CCM2: variants seen among roughly 807,000 people sequenced by gnomAD.
CCM2 encodes the protein CCM2 scaffold protein.
A neutral mutation model predicts 44.9 loss-of-function variants in CCM2; 25 were observed. That is an observed-to-expected ratio of 0.56 (90% CI 0.41 to 0.78). CCM2 has a LOEUF of 0.78. Ranked by LOEUF, CCM2 falls within the 30% of genes least tolerant of loss-of-function variation. The probability of loss-of-function intolerance (pLI) is 0.00; values close to 1 mark genes in which losing one functional copy is unlikely to be tolerated. For synonymous variants in CCM2, 219 were observed against 241.1 expected, an observed-to-expected ratio of 0.91 and a Z score of 0.85; for missense variants, 481 against 580.6, an observed-to-expected ratio of 0.83 and a Z score of 1.76.
chr7:45,000,457 G>T lies in CCM2; in HGVS notation c.30+94G>T, dbSNP rs1214631491. On this transcript the variant is annotated intron_variant, in intron 1 of 9. Transcript: ENST00000258781. The stretch of plus-strand genomic sequence containing the variant: ...TGGGCGGGTGTTCCTTGGGGCCCGG[G>T]GGGGGGGGCAGTGGGCCAGCTGGCG... The T allele has an allele frequency of 5.9e-6, 2 of 337,374 alleles. 1 individual carries two copies. The highest frequency in any genetic ancestry group is 1.7e-3 in the Middle Eastern group (2 of 1,202). The allele number at this position is 337,374 out of a possible 1,614,324, so 20.9% of individuals were successfully genotyped here.
chr7:45,051,059 A>T (rs1366209008), intron 2 of CCM2, among the ~76,000 whole-genome samples: 1 of 151,866 alleles, frequency 6.6e-6, no homozygotes, highest in Non-Finnish European at 1.5e-5. Flanking sequence ...CAGTGGGGGG[A>T]TCCTGGGTGA....
chr7:45,035,924 G>A (rs1436900081), intron 1 of CCM2, among the ~76,000 whole-genome samples: 1 of 152,098 alleles, frequency 6.6e-6, no homozygotes, highest in Non-Finnish European at 1.5e-5. Context: ...TATATATTTT[G>A]CTTGTTCACA....
intron 1 of CCM2, 46 bp from the exon 2 acceptor site, chr7:45,038,207 G>T (rs1797316978): frequency 6.2e-7 from 1 of 1,609,718 alleles, no homozygotes; most frequent in Non-Finnish European, 8.5e-7. Flanking sequence ...ACAACACAAA[G>T]CATTTGTAAA....
At chr7:45,072,354 T>A in intron 6 of CCM2, 1 of 378,792 alleles carries the variant, frequency 2.6e-6, no homozygotes, top group Non-Finnish European at 5.1e-6. Context: ...AATCTACAAG[T>A]GAAGACAGGG....
At chr7:45,013,376 C>T (rs1308473123) in intron 1 of CCM2, among the ~76,000 whole-genome samples, 3 of 151,900 alleles carry the variant, frequency 2.0e-5, no homozygotes, top group East Asian at 1.9e-4. Flanking sequence ...ATTATATATA[C>T]GTAGTAGACT....
At chr7:45,000,694 C>G (rs763967109) in intron 1 of CCM2, among the ~76,000 whole-genome samples, 26 of 152,230 alleles carry the variant, frequency 1.7e-4, no homozygotes, top group Non-Finnish European at 3.4e-4. Flanking sequence ...GGAACTGGAG[C>G]TAGTGGGCTG....
At position 45,068,946 on chromosome 7, in the gene CCM2, A is replaced by G. The variant is rs550536096; in HGVS notation, c.609+367A>G. ...CTGGCCACTGAGCTTTTTGCTTATC[A>G]TTCTTCAAGGTGCCCCCACGCTGAT... On this transcript the variant is annotated intron_variant, in intron 5 of 9. Coordinates refer to ENST00000258781, the MANE Select transcript of CCM2 (RefSeq NM_031443.4). 1.4e-4 allele frequency among the ~76,000 whole-genome samples: 22 copies of G among 152,192 alleles called. No individual in the cohort carries two copies. The East Asian group carries it at 2.5e-3, about 17-fold the overall frequency.
intron 2 of CCM2, among the ~76,000 whole-genome samples, chr7:45,060,112 TG>T (rs1798452818): frequency 2.0e-5 from 3 of 152,252 alleles, no homozygotes; most frequent in Non-Finnish European, 2.9e-5. Context: ...TCATTCTCTC[TG>T]AAGAAGTTCT....
chr7:45,036,843 G>T (rs925398683), intron 1 of CCM2, among the ~76,000 whole-genome samples: 2 of 152,112 alleles, frequency 1.3e-5, no homozygotes, highest in Admixed American at 1.3e-4. Flanking sequence ...TGGTGATAAG[G>T]GGGGTCTGAG....
intron 4 of CCM2, 145 bp from the exon 5 acceptor site, chr7:45,068,298 G>C: frequency 1.0e-6 from 1 of 992,798 alleles, no homozygotes; most frequent in Non-Finnish European, 1.6e-6. Flanking sequence ...GTCTGGTGCA[G>C]GCCCTTCACC....
Position 45,075,887 on chromosome 7 carries a change from C to A in CCM2, c.1165C>A (p.Arg389=). The A allele has an allele frequency of 6.2e-7, 1 of 1,613,352 alleles. No individual in the cohort carries two copies. The highest frequency in any genetic ancestry group is 8.5e-7 in the Non-Finnish European group (1 of 1,180,026). ...GIITDSFGRH[R]RALSTTSSST... is the part of the protein sequence containing the mutation. Reference sequence around the variant, plus strand: ...CATCACTGACAGCTTTGGCAGGCACCGGCGGGCCCTGAGCACCACATCCAG... The same window carrying A: ...CATCACTGACAGCTTTGGCAGGCACAGGCGGGCCCTGAGCACCACATCCAG... The change falls in exon 10 of 10, where the codon CGG becomes AGG. Residue 389 remains arginine (R), a synonymous_variant. Transcript: ENST00000258781.
intron 2 of CCM2, among the ~76,000 whole-genome samples, chr7:45,062,826 C>CAAAAAAAA (rs11326276): frequency 3.6e-5 from 5 of 138,258 alleles, no homozygotes; most frequent in African/African-American, 1.3e-4. Context: ...GACCCTGTCT[C>CAAAAAAAA]AAAAAAAAAA....
rs1011954212 is a variant in CCM2, at chr7:45,069,900, T to C, written c.684T>C (p.Phe228=). Residue 228 remains phenylalanine (F), a synonymous_variant, in exon 6 of 10, where the codon TTT becomes TTC. Coordinates refer to ENST00000258781, the MANE Select transcript of CCM2 (RefSeq NM_031443.4). ...TTTACACGGAGTCCACCATCGACTT[T>C]CTGGACAGAGCGATATTTGATGGGG... ...QVVYTESTID[F]LDRAIFDGAS... is the part of the protein sequence containing the mutation. 24 of 1,614,050 alleles carry C rather than the reference T, an allele frequency of 1.5e-5. No individual in the cohort carries two copies. Among genetic ancestry groups the C allele is most frequent in the Non-Finnish European group, 1.9e-5 (23 of 1,180,026 alleles).
chr7:45,044,057 G>A (rs1458186768), intron 2 of CCM2, among the ~76,000 whole-genome samples: 1 of 152,150 alleles, frequency 6.6e-6, no homozygotes, highest in East Asian at 1.9e-4. Flanking sequence ...TGCCTTTCCA[G>A]TGCTTGAGGT....
chr7:45,025,161 C>G (rs1796633701), intron 1 of CCM2, among the ~76,000 whole-genome samples: 1 of 152,052 alleles, frequency 6.6e-6, no homozygotes, highest in Non-Finnish European at 1.5e-5. Context: ...TAAGTAGGTA[C>G]TTATATAAGA....
rs181847572 is a variant in CCM2 at position 45,032,414 on chromosome 7, G to C, written c.31-5839G>C. ...TCCTCTGCTAGTCTGTGAGCAGTCA[G>C]AAGGTTGTATCTCCTGTTCATTCCT... On this transcript the variant is annotated intron_variant, in intron 1 of 9. Coordinates refer to ENST00000258781, the MANE Select transcript of CCM2 (RefSeq NM_031443.4). Among the ~76,000 whole-genome samples the C allele has an allele frequency of 6.9e-4, 105 of 152,308 alleles. 2 individuals are homozygous for C. The highest frequency in any genetic ancestry group is 2.5e-3 in the African/African-American group (104 of 41,572).
chr7:45,006,725 A>G (rs1357162545), intron 1 of CCM2, among the ~76,000 whole-genome samples: 4 of 152,132 alleles, frequency 2.6e-5, no homozygotes, highest in African/African-American at 9.7e-5. Flanking sequence ...GGATGTCCTT[A>G]TAGGAAGTTA....
intron 1 of CCM2, chr7:45,027,389 GA>G (rs2128721675): frequency 2.2e-6 from 1 of 446,078 alleles, no homozygotes; most frequent in African/African-American, 2.0e-5. Flanking sequence ...GGTGGACTTT[GA>G]AATTAATGTC....
intron 2 of CCM2, among the ~76,000 whole-genome samples, chr7:45,047,714 T>G (rs777025834): frequency 2.6e-5 from 4 of 152,214 alleles, no homozygotes; most frequent in Non-Finnish European, 4.4e-5. Context: ...TGGAGAGAAG[T>G]AGGTGTGCCT....
Sources: allele counts gnomAD v4.1 joint callset (sites outside exome capture counted in the v4.1 genomes callset), GRCh38; gene constraint gnomAD v4.1.1; transcripts MANE v1.5; gene names NCBI Gene and HGNC (gene_info 2026-07-23, HGNC 2026-07-21).